Variants in RNF10 observed in about 807,000 individuals in gnomAD.
RNF10 encodes the protein ring finger protein 10, also known as E3 ubiquitin-protein ligase RNF10.
In RNF10, 38 loss-of-function variants were observed where a neutral mutation model predicts 91.4. That is an observed-to-expected ratio of 0.42 (90% CI 0.32 to 0.54). The LOEUF (loss-of-function observed/expected upper bound fraction) is 0.54, where lower values mean the gene tolerates loss of function less well. Ranked by LOEUF, RNF10 falls within the 20% of genes least tolerant of loss-of-function variation. RNF10 has a pLI of 0.16. For synonymous variants in RNF10, 364 were observed against 366.3 expected, an observed-to-expected ratio of 0.99 and a Z score of 0.07; for missense variants, 945 against 1,012.0, an observed-to-expected ratio of 0.93 and a Z score of 0.90.
chr12:120,553,401 C>CTTTT (rs1243050601), intron 3 of RNF10, among the ~76,000 whole-genome samples: 73 of 95,050 alleles, frequency 7.7e-4, no homozygotes, highest in African/African-American at 2.6e-3. Flanking sequence ...AAGAGGAATT[C>CTTTT]TTTTTTTTTT....
At chr12:120,572,900 CTTTTTT>C (rs35567785) in intron 14 of RNF10, among the ~76,000 whole-genome samples, 7 of 100,618 alleles carry the variant, frequency 7.0e-5, no homozygotes, top group African/African-American at 1.9e-4. Context: ...TGCGCCTGGC[CTTTTTT>C]TTTTTTTTTT....
In RNF10 at chr12:120,563,342, A is replaced by G; in HGVS notation, c.1255-5A>G. ...TTTCTGTTGACTTAGAGTTTGCTGCAACAGGGTGTGCTGGAGTATCTGTCT... is the reference window on the plus strand; with the variant it reads ...TTTCTGTTGACTTAGAGTTTGCTGCGACAGGGTGTGCTGGAGTATCTGTCT... On this transcript the variant is annotated splice_region_variant and splice_polypyrimidine_tract_variant and intron_variant, in intron 8 of 16. Coordinates refer to ENST00000325954, the MANE Select transcript of RNF10 (RefSeq NM_014868.5). 1.2e-6 allele frequency: 2 copies of G among 1,604,474 alleles called. No individual in the cohort carries two copies. The highest frequency in any genetic ancestry group is 1.7e-6 in the Non-Finnish European group (2 of 1,176,398).
chr12:120,540,408 A>T (rs1158214035), intron 1 of RNF10, among the ~76,000 whole-genome samples: 1 of 152,178 alleles, frequency 6.6e-6, no homozygotes, highest in African/African-American at 2.4e-5. Flanking sequence ...TCCTTCTCCC[A>T]GGAACTTGAT....
intron 1 of RNF10, among the ~76,000 whole-genome samples, chr12:120,536,668 C>CT (rs1244479899): frequency 2.0e-5 from 3 of 152,126 alleles, no homozygotes; most frequent in Non-Finnish European, 4.4e-5. Context: ...GTAACCAGTC[C>CT]TTTTGGTCAG....
rs754567659 is a variant in RNF10, at chr12:120,562,969, T to C, written c.1153T>C (p.Leu385=). ...GACTCGGGAAGAGGCTCTGTCGGGA[T>C]TGGCCGGAAGCAGAAGGGAGGTCAC... ...LKTREEALSG[L]AGSRREVTGV... Residue 385 remains leucine (L), a synonymous_variant, in exon 8 of 17, where the codon TTG becomes CTG. Transcript: ENST00000325954. 6.2e-7 allele frequency: 1 copy of C among 1,614,000 alleles called. No homozygotes were observed. Among genetic ancestry groups the C allele is most frequent in the Admixed American group, 1.7e-5 (1 of 60,006 alleles).
intron 5 of RNF10, 31 bp from the exon 6 acceptor site, chr12:120,557,515 G>A (rs533745449): frequency 6.2e-7 from 1 of 1,613,974 alleles, no homozygotes; most frequent in South Asian, 1.1e-5. Context: ...TTCACTCCTT[G>A]CCCTGCTACA....
intron 13 of RNF10, among the ~76,000 whole-genome samples, chr12:120,568,000 G>A (rs906573685): frequency 6.6e-6 from 1 of 152,100 alleles, no homozygotes; most frequent in South Asian, 2.1e-4. Context: ...GCTCACACCT[G>A]TAATCTCAGC....
Position 120,557,577 on chromosome 12 carries a change from G to T in RNF10, c.862G>T (p.Val288Phe), listed in dbSNP as rs1172793337. The T allele has an allele frequency of 6.2e-7, 1 of 1,614,190 alleles. No homozygotes were observed. Among genetic ancestry groups the T allele is most frequent in the East Asian group, 2.2e-5 (1 of 44,892 alleles). ...VVATESHQYVVGDTITMQLMK... is the reference protein window; with the variant it reads ...VVATESHQYVFGDTITMQLMK... ...TGCCACAGAGTCACATCAGTATGTT[G>T]TTGGTGATACCATTACGATGCAGCT... Residue 288 changes from valine (V) to phenylalanine (F), a missense_variant, in exon 6 of 17, where the codon GTT (valine) becomes TTT (phenylalanine). Transcript: ENST00000325954.
intron 3 of RNF10, among the ~76,000 whole-genome samples, chr12:120,553,073 T>G (rs1296345290): frequency 0.094 from 630 of 6,676 alleles, 147 homozygotes; most frequent in African/African-American, 0.21. Context: ...TTTTTTTTTT[T>G]TTTTTTTTTT....
intron 14 of RNF10, chr12:120,574,983 T>C (rs900255036): frequency 6.2e-6 from 1 of 162,124 alleles, no homozygotes; most frequent in Non-Finnish European, 1.3e-5. Context: ...CTCACGCCTA[T>C]AATCCCAGCA....
At chr12:120,553,105 A>G in intron 3 of RNF10, among the ~76,000 whole-genome samples, 4 of 86,402 alleles carry the variant, frequency 4.6e-5, no homozygotes, top group East Asian at 3.9e-4. Flanking sequence ...TTTTTTTGAG[A>G]TGTAGTCTCG....
intron 12 of RNF10, 76 bp downstream of exon 12, chr12:120,565,605 A>T: frequency 1.6e-6 from 2 of 1,252,110 alleles, no homozygotes; most frequent in South Asian, 1.3e-5. Context: ...GGGACCTGGG[A>T]GCCAGACCTT....
chr12:120,540,505 G>T (rs1871396595), intron 1 of RNF10, among the ~76,000 whole-genome samples: 1 of 152,062 alleles, frequency 6.6e-6, no homozygotes, highest in Non-Finnish European at 1.5e-5. Context: ...CTGGCAAGTT[G>T]TCCACAAAAC....
rs1452127737 is a variant in RNF10 at position 120,534,899 on chromosome 12, A to G, written c.88A>G (p.Ser30Gly). The G allele has an allele frequency of 6.8e-6, 11 of 1,608,102 alleles. No individual in the cohort carries two copies. Among genetic ancestry groups the G allele is most frequent in the South Asian group, 1.1e-5 (1 of 90,958 alleles). ...CAACAGCTCCTCCGCCTCTTCGGGC[A>G]GCAGCAAAGGGCAACAGCCGCCCCG... is the stretch of plus-strand genomic sequence containing the variant. ...GSNSSSASSG[S>G]SKGQQPPRSA... The change falls in exon 1 of 17, where the codon AGC becomes GGC. Residue 30 changes from serine (S) to glycine (G), a missense_variant. Physicochemically the swap from Ser to Gly is moderately conservative, Grantham distance 56. Coordinates refer to ENST00000325954, the MANE Select transcript of RNF10 (RefSeq NM_014868.5).
At position 120,552,594 on chromosome 12, in the gene RNF10, C is replaced by G. The variant is rs749600825; in HGVS notation, c.450C>G (p.Pro150=). 2 of 1,614,184 alleles carry G rather than the reference C, an allele frequency of 1.2e-6. No individual in the cohort carries two copies. The highest frequency in any genetic ancestry group is 1.7e-6 in the Non-Finnish European group (2 of 1,180,024). Reference sequence around the variant, plus strand: ...ACTTGTTGAATTTCACTTTTGAACCCCGTGGCCAGACGGGTCACTTTGAAG... The same window carrying G: ...ACTTGTTGAATTTCACTTTTGAACCGCGTGGCCAGACGGGTCACTTTGAAG... ...LNHLLNFTFE[P]RGQTGHFEGS... is the part of the protein sequence containing the mutation. The change falls in exon 3 of 17, where the codon CCC becomes CCG. Residue 150 remains proline (P), a synonymous_variant. Transcript: ENST00000325954.
At chr12:120,555,797 CT>C (rs371682626) in intron 4 of RNF10, among the ~76,000 whole-genome samples, 51 of 145,012 alleles carry the variant, frequency 3.5e-4, no homozygotes, top group East Asian at 4.0e-4. Flanking sequence ...TACCTGGCCT[CT>C]TTTTTTTTTT....
chr12:120,563,115 T>G, intron 8 of RNF10, 45 bp downstream of exon 8: 2 of 1,612,864 alleles, frequency 1.2e-6, no homozygotes, highest in Non-Finnish European at 1.7e-6. Context: ...CCTCAAATGC[T>G]GTCATTGAGC....
intron 1 of RNF10, among the ~76,000 whole-genome samples, chr12:120,535,986 C>T (rs193069975): frequency 1.1e-4 from 16 of 152,294 alleles, no homozygotes; most frequent in Non-Finnish European, 1.6e-4. Context: ...GTACTAATCT[C>T]TGCTCTCTTT....
intron 1 of RNF10, among the ~76,000 whole-genome samples, chr12:120,538,085 A>T (rs1871095605): frequency 6.6e-6 from 1 of 152,196 alleles, no homozygotes; most frequent in Admixed American, 6.5e-5. Flanking sequence ...TCATAAGCTG[A>T]ACACTTCATA....
Sources: allele counts gnomAD v4.1 joint callset (sites outside exome capture counted in the v4.1 genomes callset), GRCh38; gene constraint gnomAD v4.1.1; transcripts MANE v1.5; gene names NCBI Gene and HGNC (gene_info 2026-07-23, HGNC 2026-07-21).